The following ADAM12 variants were observed in gnomAD, a reference collection of about 807,000 sequenced individuals.
ADAM12 encodes ADAM metallopeptidase domain 12.
A neutral mutation model predicts 106.4 loss-of-function variants in ADAM12; 70 were observed. The observed-to-expected ratio is 0.66, with a 90% CI of 0.54 to 0.80. The LOEUF is 0.80. ADAM12 is among the 30% of genes least tolerant of loss of function. The pLI, the probability that ADAM12 is intolerant of heterozygous loss-of-function variation, is 0.00. For synonymous variants in ADAM12, 420 were observed against 433.5 expected, an observed-to-expected ratio of 0.97 and a Z score of 0.39; for missense variants, 1,010 against 1,171.9, an observed-to-expected ratio of 0.86 and a Z score of 2.02.
At chr10:126,276,043 A>G (rs1590719994) in intron 3 of ADAM12, among the ~76,000 whole-genome samples, 1 of 152,214 alleles carries the variant, frequency 6.6e-6, no homozygotes, top group South Asian at 2.1e-4. Context: ...TATACCATGA[A>G]TTTTTTATAA....
At chr10:126,380,321 C>T (rs1338080528) in intron 1 of ADAM12, among the ~76,000 whole-genome samples, 3 of 152,156 alleles carry the variant, frequency 2.0e-5, no homozygotes, top group African/African-American at 4.8e-5. Flanking sequence ...ACTGCATTAC[C>T]GTTCTGCTGA....
intron 2 of ADAM12, among the ~76,000 whole-genome samples, chr10:126,290,420 T>G (rs1366328067): frequency 6.6e-6 from 1 of 152,242 alleles, no homozygotes; most frequent in Non-Finnish European, 1.5e-5. Context: ...TTAAGCCACT[T>G]AAACTGGTGT....
chr10:126,270,300 T>C (rs958069821), intron 3 of ADAM12, among the ~76,000 whole-genome samples: 6 of 152,152 alleles, frequency 3.9e-5, no homozygotes, highest in African/African-American at 1.4e-4. Flanking sequence ...TGAAGAGGTG[T>C]GGTCACTCCC....
Position 126,206,865 on chromosome 10 carries a change from G to GGGC in ADAM12, c.261-51561_261-51560insGCC, listed in dbSNP as rs1957808623. 2.1e-5 allele frequency among the ~76,000 whole-genome samples: 3 copies of GGGC among 144,556 alleles called. 1 individual carries two copies. Among genetic ancestry groups the GGGC allele is most frequent in the Admixed American group, 6.8e-5 (1 of 14,690 alleles). The allele number at this position is 144,556 out of a possible 152,430, so 94.8% of individuals were successfully genotyped here. ...ATTCCCATGTGTTGTGGGGGCGGGG[G>GGGC]GGAGCCAGTGGGAGGTAATTGAATC... On this transcript the variant is annotated intron_variant, in intron 3 of 22. Transcript: ENST00000448723.
At chr10:126,304,019 T>C (rs932998264) in intron 2 of ADAM12, among the ~76,000 whole-genome samples, 6 of 152,164 alleles carry the variant, frequency 3.9e-5, no homozygotes, top group Admixed American at 1.3e-4. Context: ...ATCCATCATA[T>C]ATGATGAATT....
At chr10:126,199,101 G>A (rs1351775892) in intron 3 of ADAM12, among the ~76,000 whole-genome samples, 1 of 152,130 alleles carries the variant, frequency 6.6e-6, no homozygotes, top group Non-Finnish European at 1.5e-5. Context: ...ATGTAGTCAA[G>A]TCCTCAGTCT....
chr10:126,333,072 C>G (rs529384597), intron 1 of ADAM12, among the ~76,000 whole-genome samples: 1 of 152,168 alleles, frequency 6.6e-6, no homozygotes, highest in East Asian at 1.9e-4. Flanking sequence ...CACACCACGC[C>G]GAGAGTTACC....
chr10:126,176,657 C>G (rs1957225172), intron 3 of ADAM12, among the ~76,000 whole-genome samples: 1 of 152,160 alleles, frequency 6.6e-6, no homozygotes, highest in Non-Finnish European at 1.5e-5. Flanking sequence ...TAGGAAGCAA[C>G]AGTGTAACTA....
chr10:126,085,174 C>G (rs554768576), intron 11 of ADAM12, among the ~76,000 whole-genome samples: 1 of 152,310 alleles, frequency 6.6e-6, no homozygotes, highest in East Asian at 1.9e-4. Flanking sequence ...GGATTATGTA[C>G]AGAAAAGCAG....
intron 18 of ADAM12, among the ~76,000 whole-genome samples, chr10:126,039,717 C>A (rs140498846): frequency 6.6e-6 from 1 of 152,182 alleles, no homozygotes; most frequent in Admixed American, 6.5e-5. Context: ...GGCGTGACAA[C>A]GGCACAGTGG....
intron 18 of ADAM12, chr10:126,041,670 A>G: frequency 1.0e-6 from 1 of 992,212 alleles, no homozygotes; most frequent in Non-Finnish European, 1.2e-6. Context: ...AATAAATGCT[A>G]AAAGCCATAT....
chr10:126,357,434 A>T (rs1249282098), intron 1 of ADAM12, among the ~76,000 whole-genome samples: 1 of 152,206 alleles, frequency 6.6e-6, no homozygotes, highest in African/African-American at 2.4e-5. Flanking sequence ...CTAAGCAGAG[A>T]TTGAATGCAT....
At chr10:126,148,492 G>A (rs1055629553) in intron 4 of ADAM12, among the ~76,000 whole-genome samples, 1 of 152,130 alleles carries the variant, frequency 6.6e-6, no homozygotes, top group Non-Finnish European at 1.5e-5. Context: ...TTTAATTAGT[G>A]AACAACATTG....
intron 3 of ADAM12, among the ~76,000 whole-genome samples, chr10:126,278,173 C>T (rs2133752243): frequency 6.6e-6 from 1 of 152,286 alleles, no homozygotes; most frequent in East Asian, 1.9e-4. Flanking sequence ...TCTATCTTTA[C>T]ATACAGATTG....
chr10:126,338,246 ATTTTTT>A (rs200317403), intron 1 of ADAM12, among the ~76,000 whole-genome samples: 3 of 89,840 alleles, frequency 3.3e-5, no homozygotes, highest in East Asian at 3.6e-4. Context: ...AGTAACTTAC[ATTTTTT>A]TTTTTTTTTT....
rs529816763 is a variant in ADAM12 at position 126,380,941 on chromosome 10, T to C, written c.88+7117A>G. 6.6e-4 allele frequency among the ~76,000 whole-genome samples: 101 copies of C among 152,274 alleles called. 1 individual carries two copies. In the South Asian group the frequency reaches 0.015, roughly 22 times the overall value. ...GCTTAAGGAGGCCTCTGAAACACAC[T>C]CTGATACAAAATTTTTTTTCTGCAA... On this transcript the variant is annotated intron_variant, in intron 1 of 22. Transcript: ENST00000448723.
intron 13 of ADAM12, 70 bp from the exon 14 acceptor site, chr10:126,065,071 T>A: frequency 6.8e-7 from 1 of 1,474,142 alleles, no homozygotes. Flanking sequence ...GCATTACTCC[T>A]GGGCTGGAGT....
intron 11 of ADAM12, among the ~76,000 whole-genome samples, chr10:126,080,259 C>G (rs2133524629): frequency 6.6e-6 from 1 of 152,270 alleles, no homozygotes; most frequent in Middle Eastern, 3.4e-3. Context: ...CTCATGACAT[C>G]AAAGATCTCA....
chr10:126,194,083 G>A (rs1399312613), intron 3 of ADAM12, among the ~76,000 whole-genome samples: 2 of 152,112 alleles, frequency 1.3e-5, no homozygotes, highest in South Asian at 2.1e-4. Flanking sequence ...GAAATGAAGA[G>A]AGCACCATTC....
Sources: gnomAD v4.1 joint callset for allele counts (sites outside exome capture counted in the v4.1 genomes callset) on GRCh38, gnomAD v4.1.1 for gene constraint, MANE v1.5 for transcripts, NCBI Gene and HGNC (gene_info 2026-07-23, HGNC 2026-07-21) for gene names.